TENT5D: variants seen among roughly 807,000 people sequenced by gnomAD.
TENT5D encodes cancer/testis antigen 112.
For missense variants in TENT5D, 191 were observed against 287.0 expected (o/e 0.67, Z 2.42); for synonymous variants, 103 against 100.6 (o/e 1.02, Z -0.15).
intron 1 of TENT5D, among the ~76,000 whole-genome samples, chrX:80,435,122 A>G (rs969108737): frequency 3.6e-4 from 40 of 111,427 alleles, no homozygotes; most frequent in African/African-American, 1.3e-3. Context: ...CATAACATCA[A>G]CAGTGTTAAC....
intron 3 of TENT5D, among the ~76,000 whole-genome samples, chrX:80,380,473 G>A (rs1341930301): frequency 9.0e-6 from 1 of 111,023 alleles, no homozygotes; most frequent in African/African-American, 3.3e-5. Flanking sequence ...TGTCTATTAC[G>A]TCTGCTTGGT....
intron 3 of TENT5D, among the ~76,000 whole-genome samples, chrX:80,347,603 T>G (rs1930090322): frequency 8.9e-6 from 1 of 112,150 alleles, no homozygotes; most frequent in African/African-American, 3.2e-5. Flanking sequence ...TTGCAAAAAT[T>G]TTCTCCCATT....
At chrX:80,401,264 C>T (rs1419259898) in intron 3 of TENT5D, among the ~76,000 whole-genome samples, 1 of 111,684 alleles carries the variant, frequency 9.0e-6, no homozygotes, top group Non-Finnish European at 1.9e-5. Flanking sequence ...ATTAACTTTG[C>T]ATTTTGTAAC....
chrX:80,349,881 A>C (rs1249796348), intron 3 of TENT5D, among the ~76,000 whole-genome samples: 1 of 110,827 alleles, frequency 9.0e-6, no homozygotes, highest in Non-Finnish European at 1.9e-5. Context: ...AAAGAACTTC[A>C]TTATTTTTGC....
At chrX:80,388,170 C>A (rs1437082074) in intron 3 of TENT5D, among the ~76,000 whole-genome samples, 1 of 110,887 alleles carries the variant, frequency 9.0e-6, no homozygotes, top group Non-Finnish European at 1.9e-5. Context: ...TAAATGCTGT[C>A]CAAGCGCCAA....
In TENT5D at chrX:80,365,697, C is replaced by G. The variant is rs192933841; in HGVS notation, c.-142+23133C>G. Among the ~76,000 whole-genome samples, 15 of 109,536 alleles carry G rather than the reference C, an allele frequency of 1.4e-4. No individual in the cohort carries two copies. The East Asian group carries it at 4.3e-3, about 32-fold the overall frequency. On this transcript the variant is annotated intron_variant, in intron 3 of 4. Coordinates refer to the TENT5D transcript ENST00000538312. ...CTCTACTAAAAATACAAAAATTATC[C>G]AGGCGCGGTGGCAGCCACCTGCAGT...
At position 80,380,626 on chromosome X, in the gene TENT5D, T is replaced by C. The variant is rs1390431018; in HGVS notation, c.-142+38062T>C. ...TTTGTAGGTCTCTAAGAACTTGCTT[T>C]ATGAATTGGGTGCTCCTGTATTGGG... On this transcript the variant is annotated intron_variant, in intron 3 of 4. Transcript: ENST00000538312. Among the ~76,000 whole-genome samples the C allele has an allele frequency of 8.1e-5, 9 of 111,551 alleles. No individual in the cohort carries two copies. The Admixed American group carries it at 8.6e-4, about 11-fold the overall frequency.
chrX:80,411,477 G>GA (rs1165084561), intron 3 of TENT5D, among the ~76,000 whole-genome samples: 1 of 111,322 alleles, frequency 9.0e-6, no homozygotes, highest in Non-Finnish European at 1.9e-5. Context: ...TACCGTACAA[G>GA]ATTTTTTTCT....
At chrX:80,421,792 C>G (rs1366769114) in intron 1 of TENT5D, among the ~76,000 whole-genome samples, 2 of 111,397 alleles carry the variant, frequency 1.8e-5, no homozygotes, top group Non-Finnish European at 3.8e-5. Flanking sequence ...GAGGGGACTT[C>G]CCCATGATAA....
intron 3 of TENT5D, among the ~76,000 whole-genome samples, chrX:80,411,686 T>TA (rs1253659259): frequency 2.3e-4 from 26 of 112,153 alleles, no homozygotes; most frequent in Admixed American, 2.2e-3. Flanking sequence ...TTCTTGTAAT[T>TA]AAAAAAAATT....
exon 3 of TENT5D, chrX:80,443,065 T>C: frequency 8.3e-7 from 1 of 1,210,452 alleles, no homozygotes; most frequent in Non-Finnish European, 1.1e-6. Flanking sequence ...TGTAGATTCC[T>C]TTCAAATTGT....
At chrX:80,358,203 A>G (rs1268695719) in intron 3 of TENT5D, among the ~76,000 whole-genome samples, 1 of 111,643 alleles carries the variant, frequency 9.0e-6, no homozygotes, top group Non-Finnish European at 1.9e-5. Context: ...ACCTAAAACC[A>G]TAAAAACCCT....
intron 3 of TENT5D, among the ~76,000 whole-genome samples, chrX:80,393,705 C>T (rs1235260259): frequency 9.0e-6 from 1 of 111,422 alleles, no homozygotes; most frequent in Non-Finnish European, 1.9e-5. Context: ...CTATCATTTC[C>T]TTATTCCCAT....
At chrX:80,397,016 G>A (rs1931274234) in intron 3 of TENT5D, among the ~76,000 whole-genome samples, 1 of 94,437 alleles carries the variant, frequency 1.1e-5, no homozygotes, top group East Asian at 3.6e-4. Flanking sequence ...CGGGGCGTCT[G>A]GCCGGGGGGG....
chrX:80,396,545 C>T (rs1379255377), intron 3 of TENT5D, among the ~76,000 whole-genome samples: 3 of 110,589 alleles, frequency 2.7e-5, no homozygotes, highest in Non-Finnish European at 5.7e-5. Context: ...ATCCATTTAA[C>T]CCTGAGTGGA....
At chrX:80,439,769 T>A (rs1323511782) in intron 2 of TENT5D, among the ~76,000 whole-genome samples, 1 of 110,796 alleles carries the variant, frequency 9.0e-6, no homozygotes, top group Admixed American at 9.7e-5. Context: ...TGCTTATATA[T>A]GTCTATATGT....
chrX:80,396,975 G>A (rs1460327576), intron 3 of TENT5D, among the ~76,000 whole-genome samples: 3 of 81,067 alleles, frequency 3.7e-5, no homozygotes, highest in Non-Finnish European at 4.9e-5. Flanking sequence ...CAGTAGGGGC[G>A]GCTGGGCAGA....
At chrX:80,405,028 A>C (rs1302521050) in intron 3 of TENT5D, among the ~76,000 whole-genome samples, 1 of 111,748 alleles carries the variant, frequency 8.9e-6, no homozygotes, top group East Asian at 2.8e-4. Context: ...CTTTAAGAAA[A>C]CATTTTTAGC....
chrX:80,360,959 T>C (rs68112331), intron 3 of TENT5D, among the ~76,000 whole-genome samples: 10,770 of 111,295 alleles, frequency 0.097, 519 homozygotes, highest in African/African-American at 0.18. Context: ...GAGAAGCAAA[T>C]TGAGGTTCAT....
Sources: gnomAD v4.1 joint callset for allele counts (sites outside exome capture counted in the v4.1 genomes callset) on GRCh38, gnomAD v4.1.1 for gene constraint, MANE v1.5 for transcripts, NCBI Gene and HGNC (gene_info 2026-07-23, HGNC 2026-07-21) for gene names.